CD200: variants seen among roughly 807,000 people sequenced by gnomAD.
The protein encoded by CD200 is OX-2 membrane glycoprotein.
Under a neutral mutation model 30.9 loss-of-function variants are expected in CD200, and 15 were observed. The observed-to-expected ratio is 0.49, with a 90% CI of 0.32 to 0.75. The LOEUF (loss-of-function observed/expected upper bound fraction) is 0.75. Among genes scored for constraint, CD200 ranks in the 30% least tolerant of loss-of-function variants. The pLI is 0.03. For synonymous variants in CD200, 134 were observed against 126.2 expected, an observed-to-expected ratio of 1.06 and a Z score of -0.41; for missense variants, 262 against 324.2, an observed-to-expected ratio of 0.81 and a Z score of 1.47.
At chr3:112,333,754 C>T (rs926003198) in intron 1 of CD200, 1 of 985,452 alleles carries the variant, frequency 1.0e-6, no homozygotes, top group African/African-American at 1.7e-5. Context: ...TCCCTCCTAG[C>T]CCTTGCCTGG....
At chr3:112,353,627 G>A (rs1043240375) in intron 5 of CD200, among the ~76,000 whole-genome samples, 3 of 152,202 alleles carry the variant, frequency 2.0e-5, no homozygotes, top group East Asian at 3.9e-4. Context: ...AAAGGTGTTC[G>A]ATAAACAATT....
intron 5 of CD200, among the ~76,000 whole-genome samples, chr3:112,358,176 G>A (rs562021250): frequency 4.6e-5 from 7 of 152,184 alleles, no homozygotes; most frequent in African/African-American, 1.7e-4. Context: ...TTTGGGATGT[G>A]GGGGGAACCA....
At chr3:112,333,294 G>A in intron 1 of CD200, 70 bp downstream of exon 1, 2 of 1,512,966 alleles carry the variant, frequency 1.3e-6, no homozygotes, top group South Asian at 1.2e-5. Flanking sequence ...CCTGGGGCGG[G>A]CGGCGAGTGG....
chr3:112,356,883 CTGAG>C (rs1253128472), intron 5 of CD200, among the ~76,000 whole-genome samples: 2 of 152,304 alleles, frequency 1.3e-5, no homozygotes, highest in East Asian at 1.9e-4. Flanking sequence ...CTTTTCCTCA[CTGAG>C]TAAGATGGGG....
intron 1 of CD200, chr3:112,334,138 T>G (rs1403273327): frequency 1.5e-5 from 15 of 985,264 alleles, no homozygotes; most frequent in African/African-American, 1.7e-5. Context: ...GTAACTATCC[T>G]TCTAAAAATG....
chr3:112,344,969 G>T lies in CD200; in HGVS notation c.102G>T (p.Val34=). 1 of 1,609,598 alleles carries T rather than the reference G, an allele frequency of 6.2e-7. No homozygotes were observed. The highest frequency in any genetic ancestry group is 8.5e-7 in the Non-Finnish European group (1 of 1,177,182). ...AVVLCTAQVQ[V]VTQDEREQLY... is the part of the protein sequence containing the mutation. ...TCTTTTATGATTCCATAGTGCAAGT[G>T]GTGACCCAGGATGAAAGAGAGCAGC... Residue 34 remains valine (V), a synonymous_variant, in exon 3 of 6, where the codon GTG becomes GTT. Transcript: ENST00000315711.
chr3:112,334,221 G>C (rs1391695016), intron 1 of CD200: 1 of 985,154 alleles, frequency 1.0e-6, no homozygotes, highest in Non-Finnish European at 1.2e-6. Flanking sequence ...TACATGTGGG[G>C]TAATGTGGAT....
intron 5 of CD200, among the ~76,000 whole-genome samples, chr3:112,351,222 T>C (rs1435183446): frequency 6.6e-6 from 1 of 152,202 alleles, no homozygotes; most frequent in Non-Finnish European, 1.5e-5. Context: ...CTCTGCCAAA[T>C]GTTCTTCCTG....
rs1270907434 is a variant in CD200 at position 112,345,292 on chromosome 3, A to G, written c.421+4A>G. On this transcript the variant is annotated splice_donor_region_variant and intron_variant, in intron 3 of 5. Transcript: ENST00000315711. Reference sequence around the variant, plus strand: ...ACGGCCTGCCTCACCGTCTATGGTGAGAATCTCTGAGAATCATTGTCTGTG... The same window carrying G: ...ACGGCCTGCCTCACCGTCTATGGTGGGAATCTCTGAGAATCATTGTCTGTG... The G allele has an allele frequency of 6.3e-7, 1 of 1,599,568 alleles. No homozygotes were observed. The highest frequency in any genetic ancestry group is 8.6e-7 in the Non-Finnish European group (1 of 1,167,598).
intron 4 of CD200, among the ~76,000 whole-genome samples, chr3:112,349,163 A>G (rs2081478595): frequency 6.6e-6 from 1 of 152,222 alleles, no homozygotes; most frequent in African/African-American, 2.4e-5. Context: ...CATGACACTG[A>G]GGAACTGATA....
In CD200 at chr3:112,340,595, GT is replaced by G. The variant is rs562603660; in HGVS notation, c.13-303del. ...TTTCTGTATTTATTTAAGCCAGTTT[GT>G]TTTCCCCAGTGATCCTATGTCTTTG... On this transcript the variant is annotated intron_variant, in intron 1 of 5. Transcript: ENST00000315711. Among the ~76,000 whole-genome samples the G allele has an allele frequency of 7.9e-5, 12 of 152,260 alleles. No homozygotes were observed. The South Asian group carries it at 2.3e-3, about 29-fold the overall frequency.
At chr3:112,350,472 C>CAGG (rs2081509332) in intron 5 of CD200, among the ~76,000 whole-genome samples, 2 of 152,140 alleles carry the variant, frequency 1.3e-5, no homozygotes. Flanking sequence ...ATTGTAAATT[C>CAGG]AGTACCTCAT....
At chr3:112,353,595 C>T (rs1372358739) in intron 5 of CD200, among the ~76,000 whole-genome samples, 2 of 151,934 alleles carry the variant, frequency 1.3e-5, no homozygotes, top group African/African-American at 4.8e-5. Context: ...CTATTTTAAG[C>T]TTAATACTTA....
intron 2 of CD200, among the ~76,000 whole-genome samples, chr3:112,342,472 G>A (rs1333678578): frequency 6.7e-6 from 1 of 148,618 alleles, no homozygotes; most frequent in East Asian, 2.0e-4. Flanking sequence ...ACCCAGGCTG[G>A]AGTGCAGTGG....
At chr3:112,335,745 C>T (rs1242914457) in intron 1 of CD200, 1 of 585,334 alleles carries the variant, frequency 1.7e-6, no homozygotes, top group Non-Finnish European at 3.1e-6. Flanking sequence ...GACTCCTTGT[C>T]TCTGGCAGTT....
At chr3:112,342,326 TTTCTTTCTTTCC>T (rs1559783048) in intron 2 of CD200, among the ~76,000 whole-genome samples, 118 of 32,178 alleles carry the variant, frequency 3.7e-3, no homozygotes, top group Admixed American at 5.5e-3. Context: ...TCTTTCTTTC[TTTCTTTCTTTCC>T]TTCTTTCTTT....
rs1435739874 is a variant in CD200 at position 112,342,357 on chromosome 3, C to T, written c.94+1374C>T. On this transcript the variant is annotated intron_variant, in intron 2 of 5. Coordinates refer to ENST00000315711, the MANE Select transcript of CD200 (RefSeq NM_005944.7). ...TCTTTCCTTCTTTCTTTCTTTCTTT[C>T]TTTCTTTCTTTCTTTCTTTCTTTCT... 1.1e-3 allele frequency among the ~76,000 whole-genome samples: 15 copies of T among 14,142 alleles called. 1 individual carries two copies. Among genetic ancestry groups the T allele is most frequent in the African/African-American group, 3.8e-3 (14 of 3,698 alleles). The allele number at this position is 14,142 out of a possible 152,430, so 9.3% of individuals were successfully genotyped here. A position where few individuals can be genotyped will look rare whatever the true frequency, so the allele number is the denominator to read the frequency against.
At chr3:112,359,435 G>A (rs939668953) in intron 5 of CD200, among the ~76,000 whole-genome samples, 15 of 152,182 alleles carry the variant, frequency 9.9e-5, no homozygotes, top group Non-Finnish European at 2.2e-4. Flanking sequence ...ACAGCACTTA[G>A]ATTTCAGAAG....
rs202117881 is a variant in CD200 at position 112,361,595 on chromosome 3, A to G, written c.*45A>G. 1 of 1,564,938 alleles carries G rather than the reference A, an allele frequency of 6.4e-7. No homozygotes were observed. Among genetic ancestry groups the G allele is most frequent in the Non-Finnish European group, 8.8e-7 (1 of 1,135,164 alleles). On this transcript the variant is annotated 3_prime_UTR_variant, in exon 6 of 6. Coordinates refer to ENST00000315711, the MANE Select transcript of CD200 (RefSeq NM_005944.7). ...GAAAGTGATTCCCTGGTCTACTTGA[A>G]TTTGACACAAGAGAAAAGCAGGAGG...
Sources: allele counts gnomAD v4.1 joint callset (sites outside exome capture counted in the v4.1 genomes callset), GRCh38; gene constraint gnomAD v4.1.1; transcripts MANE v1.5; gene names NCBI Gene and HGNC (gene_info 2026-07-23, HGNC 2026-07-21).